PTK2: variants seen among roughly 807,000 people sequenced by gnomAD.
The protein encoded by PTK2 is focal adhesion kinase 1.
PTK2 carries 45 observed loss-of-function variants against 150.1 expected under a neutral mutation model. The observed-to-expected ratio is 0.30, with a 90% CI of 0.24 to 0.38. PTK2 has a LOEUF of 0.38. Among genes scored for constraint, PTK2 ranks in the 10% least tolerant of loss-of-function variants. The pLI is 1.00. For synonymous variants in PTK2, 432 were observed against 449.2 expected, an observed-to-expected ratio of 0.96 and a Z score of 0.48; for missense variants, 919 against 1,307.3, an observed-to-expected ratio of 0.70 and a Z score of 4.58.
intron 1 of PTK2, among the ~76,000 whole-genome samples, chr8:140,995,910 G>A (rs182705584): frequency 3.9e-5 from 6 of 152,188 alleles, no homozygotes; most frequent in Admixed American, 2.6e-4. Context: ...CAGTGAACAC[G>A]CAAATGATAA....
intron 4 of PTK2, among the ~76,000 whole-genome samples, chr8:140,875,245 T>C (rs2100144829): frequency 6.6e-6 from 1 of 151,374 alleles, no homozygotes; most frequent in Non-Finnish European, 1.5e-5. Flanking sequence ...GGAGCTAGAG[T>C]TGAGAAAGTG....
At chr8:140,767,444 T>C (rs915498671) in intron 14 of PTK2, among the ~76,000 whole-genome samples, 1 of 100,498 alleles carries the variant, frequency 1.0e-5, no homozygotes, top group African/African-American at 5.1e-5. Context: ...ACCCTCTATA[T>C]ATGAGTTTCA....
intron 14 of PTK2, 62 bp from the exon 16 acceptor site, chr8:140,769,654 AAGG>A (rs974617135): frequency 2.6e-6 from 3 of 1,173,230 alleles, no homozygotes; most frequent in Admixed American, 4.0e-5. Flanking sequence ...GAGACATAGG[AAGG>A]AGAAGAGGGA....
chr8:140,845,899 A>G (rs191653552), intron 7 of PTK2, among the ~76,000 whole-genome samples: 1 of 152,334 alleles, frequency 6.6e-6, no homozygotes, highest in Admixed American at 6.5e-5. Flanking sequence ...TAACTTCCGT[A>G]TCTCTATTTG....
intron 1 of PTK2, among the ~76,000 whole-genome samples, chr8:140,975,471 C>T (rs1304882700): frequency 3.9e-5 from 6 of 152,206 alleles, no homozygotes; most frequent in Non-Finnish European, 7.3e-5. Context: ...TGCCTTTGCA[C>T]ATGAGTGGAA....
chr8:140,667,753 C>G (rs2093199741), intron 30 of PTK2, among the ~76,000 whole-genome samples: 1 of 152,130 alleles, frequency 6.6e-6, no homozygotes, highest in South Asian at 2.1e-4. Context: ...CATACCCAAC[C>G]CTTAGCTTAA....
rs1435409066 is a variant in PTK2, at chr8:140,756,658, T to G, written c.1333-4342A>C. Among the ~76,000 whole-genome samples the G allele has an allele frequency of 3.9e-5, 5 of 127,788 alleles. No individual in the cohort carries two copies. In the East Asian group the frequency reaches 1.2e-3, roughly 31 times the overall value. The allele number at this position is 127,788 out of a possible 152,430, so 83.8% of individuals were successfully genotyped here. On this transcript the variant is annotated intron_variant, in intron 16 of 31. Coordinates refer to ENST00000522684, the Ensembl canonical transcript of PTK2. ...GTGAACTGAGATTGCACCATTGCAC[T>G]CCAGCATGGGCAACAAGAGGGAAAC...
chr8:140,773,522 AGGGCCAT>A (rs948229765), intron 14 of PTK2, among the ~76,000 whole-genome samples: 3 of 152,186 alleles, frequency 2.0e-5, no homozygotes, highest in African/African-American at 7.2e-5. Context: ...GGAGAGGGAA[AGGGCCAT>A]GCACACATCA....
chr8:140,879,687 A>AAC, intron 3 of PTK2, 50 bp from the exon 4 acceptor site: 1 of 1,265,520 alleles, frequency 7.9e-7, no homozygotes, highest in Non-Finnish European at 1.0e-6. Context: ...AAAAAAAAAA[A>AAC]AAAAAAAAAA....
chr8:140,998,493 C>CT (rs567376038), intron 1 of PTK2, among the ~76,000 whole-genome samples: 14 of 148,786 alleles, frequency 9.4e-5, no homozygotes, highest in East Asian at 2.0e-4. Context: ...AGGACCTAAT[C>CT]TTTTTTTTTT....
intron 26 of PTK2, among the ~76,000 whole-genome samples, chr8:140,687,530 T>C (rs1351952915): frequency 6.6e-6 from 1 of 152,186 alleles, no homozygotes; most frequent in Non-Finnish European, 1.5e-5. Flanking sequence ...TGGAGCATCT[T>C]GATGTCTGAT....
At chr8:140,706,853 AG>A in intron 23 of PTK2, among the ~76,000 whole-genome samples, 1 of 152,254 alleles carries the variant, frequency 6.6e-6, no homozygotes, top group Non-Finnish European at 1.5e-5. Context: ...CAACGTAGCA[AG>A]ACTGTACCTT....
At chr8:140,961,473 AAC>A (rs2100183147) in intron 1 of PTK2, among the ~76,000 whole-genome samples, 1 of 152,036 alleles carries the variant, frequency 6.6e-6, no homozygotes, top group Non-Finnish European at 1.5e-5. Flanking sequence ...CGTCCTGGCT[AAC>A]ACAGTGAAAC....
intron 27 of PTK2, among the ~76,000 whole-genome samples, chr8:140,680,104 C>CA (rs781434423): frequency 9.7e-4 from 147 of 152,310 alleles, no homozygotes; most frequent in African/African-American, 3.3e-3. Context: ...AGTGATGCGA[C>CA]ACAGTACCTT....
chr8:140,760,132 G>A (rs894222804), intron 16 of PTK2, among the ~76,000 whole-genome samples: 1 of 151,922 alleles, frequency 6.6e-6, no homozygotes, highest in Non-Finnish European at 1.5e-5. Context: ...TGAGGCAGAA[G>A]AATCACTTGA....
intron 8 of PTK2, among the ~76,000 whole-genome samples, chr8:140,823,140 C>T (rs2100109814): frequency 1.3e-5 from 2 of 152,162 alleles, no homozygotes; most frequent in African/African-American, 4.8e-5. Context: ...GAACAGTTGT[C>T]AACTGAACAC....
intron 1 of PTK2, among the ~76,000 whole-genome samples, chr8:140,987,186 T>C (rs1205146297): frequency 1.3e-5 from 2 of 152,192 alleles, no homozygotes; most frequent in Non-Finnish European, 2.9e-5. Flanking sequence ...AACACCTTTT[T>C]TTAAAATTTT....
chr8:140,956,409 C>T (rs1377645402), intron 1 of PTK2, among the ~76,000 whole-genome samples: 3 of 152,210 alleles, frequency 2.0e-5, no homozygotes, highest in African/African-American at 7.2e-5. Context: ...GGAAAACAGA[C>T]CTACTGTGCT....
At chr8:140,968,307 T>C (rs1324810575) in intron 1 of PTK2, among the ~76,000 whole-genome samples, 1 of 152,198 alleles carries the variant, frequency 6.6e-6, no homozygotes, top group African/African-American at 2.4e-5. Flanking sequence ...ATGATGAAGA[T>C]TAGCCCTTAA....
Sources: gnomAD v4.1 joint callset for allele counts (sites outside exome capture counted in the v4.1 genomes callset) on GRCh38, gnomAD v4.1.1 for gene constraint, MANE v1.5 for transcripts, NCBI Gene and HGNC (gene_info 2026-07-23, HGNC 2026-07-21) for gene names.